Variants in TMTC1 observed in about 807,000 individuals in gnomAD.
TMTC1 encodes protein O-mannosyl-transferase TMTC1.
Under a neutral mutation model 104.8 loss-of-function variants are expected in TMTC1, and 73 were observed. That is an observed-to-expected ratio of 0.70 (90% CI 0.58 to 0.85). The LOEUF is 0.85. Ranked by LOEUF, TMTC1 falls within the 40% of genes least tolerant of loss-of-function variation. The pLI, the probability that TMTC1 is intolerant of heterozygous loss-of-function variation, is 0.00. For missense variants in TMTC1, 1,035 were observed against 1,096.1 expected (o/e 0.94, Z 0.79); for synonymous variants, 434 against 428.7 (o/e 1.01, Z -0.15).
chr12:29,556,977 G>A lies in TMTC1; in HGVS notation c.1556C>T (p.Ala519Val), dbSNP rs1359298899. The change falls in exon 10 of 18, where the codon GCG (alanine) becomes GTG (valine). Residue 519 changes from alanine to valine, a missense_variant. Transcript: ENST00000539277. ...ALKLYPRHAS[A>V]LNNLGTLTRD... ...CGTCAGTGTTCCAAGGTTGTTGAGC[G>A]CACTTGCATGGCGTGGATACAACCT... 3.3e-5 allele frequency: 54 copies of A among 1,614,006 alleles called. No homozygotes were observed. The highest frequency in any genetic ancestry group is 4.4e-5 in the Non-Finnish European group (52 of 1,180,012).
intron 5 of TMTC1, among the ~76,000 whole-genome samples, chr12:29,722,086 A>T (rs1942251704): frequency 6.6e-6 from 1 of 152,168 alleles, no homozygotes; most frequent in Non-Finnish European, 1.5e-5. Context: ...GCATTCATGA[A>T]AGAATGAGAA....
At chr12:29,536,168 T>G (rs777052193) in intron 11 of TMTC1, 41 bp downstream of exon 11, 16 of 1,267,900 alleles carry the variant, frequency 1.3e-5, no homozygotes, top group Non-Finnish European at 1.8e-5. Context: ...TTTATACATG[T>G]AACAATAACA....
In TMTC1 at chr12:29,725,125, C is replaced by A. The variant is rs567658740; in HGVS notation, c.938+26541G>T. Among the ~76,000 whole-genome samples the A allele has an allele frequency of 2.9e-5, 4 of 137,132 alleles. No individual in the cohort carries two copies. The South Asian group carries it at 9.7e-4, about 33-fold the overall frequency. 90.0% of individuals were successfully genotyped at this position (137,132 alleles called of 152,430 possible). On this transcript the variant is annotated intron_variant, in intron 5 of 17. Coordinates refer to ENST00000539277, the MANE Select transcript of TMTC1 (RefSeq NM_001193451.2). ...AACCTCCTCATGGGTTCAAGCAATT[C>A]TCCTGCCTCAGCCTCCCGAATAGCT...
chr12:29,580,371 C>A (rs936576777), intron 8 of TMTC1, among the ~76,000 whole-genome samples: 1 of 152,010 alleles, frequency 6.6e-6, no homozygotes, highest in Non-Finnish European at 1.5e-5. Context: ...AGGAACCCTG[C>A]ATCTGTATCT....
intron 3 of TMTC1, among the ~76,000 whole-genome samples, chr12:29,758,224 T>C (rs942544070): frequency 1.3e-5 from 2 of 152,216 alleles, no homozygotes; most frequent in African/African-American, 4.8e-5. Context: ...TGAAACTATA[T>C]GTAAATTGGA....
rs1268414462 is a variant in TMTC1 at position 29,644,055 on chromosome 12, TATAAATATATAATTTATAG to T, written c.939-10738_939-10720del. Among the ~76,000 whole-genome samples the T allele has an allele frequency of 1.8e-3, 50 of 27,108 alleles. 1 individual carries two copies. The highest frequency in any genetic ancestry group is 0.01 in the South Asian group (6 of 574). The allele number at this position is 27,108 out of a possible 152,430, so 17.8% of individuals were successfully genotyped here. A position where few individuals can be genotyped will look rare whatever the true frequency, so the allele number is the denominator to read the frequency against. On this transcript the variant is annotated intron_variant, in intron 5 of 17. Transcript: ENST00000539277. ...TATAAATATATAATTTATATATAAA[TATAAATATATAATTTATAG>T]ATAAATATAAATATAAATATAAATA... is the stretch of plus-strand genomic sequence containing the variant.
chr12:29,654,133 C>A (rs113043919), intron 5 of TMTC1, among the ~76,000 whole-genome samples: 2 of 147,446 alleles, frequency 1.4e-5, no homozygotes, highest in African/African-American at 4.9e-5. Flanking sequence ...CAAAGGACAT[C>A]ATCAAGTAAG....
intron 8 of TMTC1, among the ~76,000 whole-genome samples, chr12:29,575,030 C>G (rs981548437): frequency 5.3e-5 from 8 of 152,006 alleles, no homozygotes; most frequent in African/African-American, 2.4e-5. Context: ...GAAGATGATA[C>G]GAGGAGGGGT....
intron 6 of TMTC1, among the ~76,000 whole-genome samples, chr12:29,631,990 A>C (rs753327065): frequency 1.5e-4 from 23 of 152,232 alleles, no homozygotes; most frequent in Non-Finnish European, 2.8e-4. Context: ...TGCAGCAAGT[A>C]AGTCTCCCAG....
At chr12:29,678,383 T>C (rs939502592) in intron 5 of TMTC1, among the ~76,000 whole-genome samples, 4 of 152,146 alleles carry the variant, frequency 2.6e-5, no homozygotes, top group Non-Finnish European at 5.9e-5. Context: ...GGAAGGTAAG[T>C]GGACGTGACA....
rs572105041 is a variant in TMTC1 at position 29,724,701 on chromosome 12, T to C, written c.938+26965A>G. Among the ~76,000 whole-genome samples the C allele has an allele frequency of 1.5e-4, 23 of 152,274 alleles. No individual in the cohort carries two copies. The South Asian group carries it at 4.6e-3, about 30-fold the overall frequency. On this transcript the variant is annotated intron_variant, in intron 5 of 17. Transcript: ENST00000539277. ...ATGATTCATCTACATATATGTATCATATAGGAATACAAACGTGGTGAAACC... is the reference window on the plus strand; with the variant it reads ...ATGATTCATCTACATATATGTATCACATAGGAATACAAACGTGGTGAAACC...
chr12:29,514,718 C>A, intron 15 of TMTC1, 114 bp from the exon 16 acceptor site: 2 of 1,181,250 alleles, frequency 1.7e-6, no homozygotes, highest in Admixed American at 2.5e-5. Flanking sequence ...TGGTATGTGA[C>A]AATCAAAGTA....
chr12:29,727,382 T>G (rs1942423761), intron 5 of TMTC1, among the ~76,000 whole-genome samples: 1 of 152,090 alleles, frequency 6.6e-6, no homozygotes, highest in African/African-American at 2.4e-5. Flanking sequence ...TATTTTTATT[T>G]ATTTATTTTT....
chr12:29,661,101 C>G (rs1192094964), intron 5 of TMTC1, among the ~76,000 whole-genome samples: 1 of 152,112 alleles, frequency 6.6e-6, no homozygotes, highest in Non-Finnish European at 1.5e-5. Context: ...CTTTGCACAT[C>G]TATTTTACTC....
At chr12:29,578,537 G>A (rs918281358) in intron 8 of TMTC1, among the ~76,000 whole-genome samples, 5 of 152,034 alleles carry the variant, frequency 3.3e-5, no homozygotes, top group African/African-American at 7.2e-5. Flanking sequence ...ATGGCCGAAC[G>A]CGAAACCCTG....
At chr12:29,669,731 T>C (rs1002663855) in intron 5 of TMTC1, among the ~76,000 whole-genome samples, 7 of 152,332 alleles carry the variant, frequency 4.6e-5, no homozygotes, top group African/African-American at 1.4e-4. Flanking sequence ...TATAAAAACT[T>C]GCTACTAAGA....
rs535276501 is a variant in TMTC1, at chr12:29,722,882, T to C, written c.938+28784A>G. ...GTTGCAGTGAGCTGAGATCGCACCA[T>C]TGCATTTCAGCCTGAGCAACAGAGC... On this transcript the variant is annotated intron_variant, in intron 5 of 17. Transcript: ENST00000539277. 9.4e-5 allele frequency among the ~76,000 whole-genome samples: 14 copies of C among 148,764 alleles called. No homozygotes were observed. In the East Asian group the frequency reaches 2.6e-3, roughly 27 times the overall value.
At chr12:29,550,475 C>T (rs758546927) in intron 10 of TMTC1, among the ~76,000 whole-genome samples, 11 of 151,760 alleles carry the variant, frequency 7.2e-5, no homozygotes, top group Admixed American at 1.3e-4. Context: ...GACAGAGGAG[C>T]GAGGAGGTGG....
chr12:29,528,436 C>T (rs946330491), intron 11 of TMTC1, among the ~76,000 whole-genome samples: 5 of 152,138 alleles, frequency 3.3e-5, no homozygotes, highest in South Asian at 2.1e-4. Flanking sequence ...CCATGGGCTC[C>T]TCTCCAAGAC....
Sources: gnomAD v4.1 joint callset for allele counts (sites outside exome capture counted in the v4.1 genomes callset) on GRCh38, gnomAD v4.1.1 for gene constraint, MANE v1.5 for transcripts, NCBI Gene and HGNC (gene_info 2026-07-23, HGNC 2026-07-21) for gene names.